Variants in EIF2AK4 observed in about 807,000 individuals in gnomAD.
EIF2AK4 encodes the protein eIF-2-alpha kinase GCN2.
In EIF2AK4, 139 loss-of-function variants were observed where a neutral mutation model predicts 211.1. That is an observed-to-expected ratio of 0.66 (90% CI 0.57 to 0.76). EIF2AK4 has a LOEUF of 0.76. Ranked by LOEUF, EIF2AK4 falls within the 30% of genes least tolerant of loss-of-function variation. The pLI is 0.00. For missense variants in EIF2AK4, 1,664 were observed against 2,043.8 expected, an observed-to-expected ratio of 0.81 and a Z score of 3.58; for synonymous variants, 710 against 751.3, an observed-to-expected ratio of 0.94 and a Z score of 0.90.
intron 33 of EIF2AK4, 193 bp from the exon 34 acceptor site, chr15:40,029,213 A>G: frequency 1.5e-6 from 1 of 666,960 alleles, no homozygotes; most frequent in Non-Finnish European, 1.9e-6. Flanking sequence ...GACATCCTTT[A>G]TAATTTTTAC....
chr15:39,941,167 A>G (rs2034139505), intron 2 of EIF2AK4, among the ~76,000 whole-genome samples: 2 of 152,090 alleles, frequency 1.3e-5, no homozygotes, highest in African/African-American at 4.8e-5. Flanking sequence ...TGGAGGTTTC[A>G]TTATGTAGAG....
chr15:40,009,750 T>G lies in EIF2AK4; in HGVS notation c.3693+20T>G. 1.4e-6 allele frequency: 2 copies of G among 1,445,978 alleles called. No homozygotes were observed. The highest frequency in any genetic ancestry group is 1.9e-6 in the Non-Finnish European group (2 of 1,040,976). 89.6% of individuals were successfully genotyped at this position (1,445,978 alleles called of 1,614,324 possible). A position where few individuals can be genotyped will look rare whatever the true frequency, so the allele number is the denominator to read the frequency against. ...GCTGTGGTAAGCATTTAATTACTTA[T>G]GATGTTGAAAGATAATACCTTGATG... On this transcript the variant is annotated intron_variant, in intron 26 of 38. Transcript: ENST00000263791.
intron 37 of EIF2AK4, among the ~76,000 whole-genome samples, chr15:40,033,581 G>C (rs923848518): frequency 1.3e-5 from 2 of 152,132 alleles, no homozygotes; most frequent in Non-Finnish European, 2.9e-5. Flanking sequence ...AATTAAATTA[G>C]ATTAATAGTG....
At chr15:40,002,855 G>A (rs2035111519) in intron 22 of EIF2AK4, 67 bp downstream of exon 22, 1 of 1,534,126 alleles carries the variant, frequency 6.5e-7, no homozygotes. Context: ...AGAAAGTACT[G>A]TTAGTGTTCG....
chr15:39,978,394 G>A, intron 13 of EIF2AK4: 1 of 236,182 alleles, frequency 4.2e-6, no homozygotes, highest in East Asian at 8.1e-5. Context: ...CTGCATTTTT[G>A]TATGTGATGA....
Position 39,942,047 on chromosome 15 carries a change from T to C in EIF2AK4, c.258-1336T>C, listed in dbSNP as rs117095499. The stretch of plus-strand genomic sequence containing the variant: ...AATAAAGAGAACATTAGAATTTTTT[T>C]TGAAGTTTAATTAGCATCATTGATG... On this transcript the variant is annotated intron_variant, in intron 2 of 38. Transcript: ENST00000263791. Among the ~76,000 whole-genome samples, 488 of 152,380 alleles carry C rather than the reference T, an allele frequency of 3.2e-3. 4 individuals carry two copies. The East Asian group carries it at 0.04, about 12-fold the overall frequency.
In EIF2AK4 at chr15:39,990,386, T is replaced by A. The variant is rs761661874; in HGVS notation, c.2631+9T>A. 6.2e-6 allele frequency: 10 copies of A among 1,610,594 alleles called. No individual in the cohort carries two copies. The highest frequency in any genetic ancestry group is 8.5e-6 in the Non-Finnish European group (10 of 1,177,026). ...ACCATCTAGCCTTTTCTGTAAGTAT[T>A]TTAAAAATTAGACTGTACCTAAAAA... On this transcript the variant is annotated intron_variant, in intron 16 of 38. Transcript: ENST00000263791.
intron 9 of EIF2AK4, among the ~76,000 whole-genome samples, chr15:39,972,300 A>G (rs2034635712): frequency 6.6e-6 from 1 of 151,630 alleles, no homozygotes; most frequent in African/African-American, 2.4e-5. Context: ...GAATGAGCTG[A>G]GATCACACCA....
intron 18 of EIF2AK4, among the ~76,000 whole-genome samples, chr15:39,994,388 G>T (rs539071376): frequency 8.1e-4 from 124 of 152,254 alleles, no homozygotes; most frequent in Non-Finnish European, 1.3e-3. Context: ...CAGGAGGATT[G>T]CCTGAGCTCA....
chr15:40,027,662 G>A (rs1334318740), intron 33 of EIF2AK4, among the ~76,000 whole-genome samples: 3 of 152,140 alleles, frequency 2.0e-5, no homozygotes, highest in African/African-American at 7.2e-5. Flanking sequence ...AGGCCGAGAA[G>A]GGGGGATCAT....
Position 40,035,201 on chromosome 15 carries a change from G to T in EIF2AK4, c.*117G>T, listed in dbSNP as rs1213393633. 1.3e-6 allele frequency: 1 copy of T among 770,840 alleles called. No homozygotes were observed. Among genetic ancestry groups the T allele is most frequent in the Non-Finnish European group, 1.9e-6 (1 of 529,416 alleles). The allele number at this position is 770,840 out of a possible 1,614,324, so 47.8% of individuals were successfully genotyped here. A position where few individuals can be genotyped will look rare whatever the true frequency, so the allele number is the denominator to read the frequency against. Reference sequence around the variant, plus strand: ...ATTCTAAGAAGAGGCTGGGTGCAGTGGCTCACACCTTTAATCCCAGCACTT... The same window carrying T: ...ATTCTAAGAAGAGGCTGGGTGCAGTTGCTCACACCTTTAATCCCAGCACTT... On this transcript the variant is annotated 3_prime_UTR_variant, in exon 39 of 39. Transcript: ENST00000263791.
chr15:39,983,339 A>G (rs2034819949), intron 13 of EIF2AK4, among the ~76,000 whole-genome samples: 1 of 152,076 alleles, frequency 6.6e-6, no homozygotes, highest in Non-Finnish European at 1.5e-5. Flanking sequence ...TGGCTGCATA[A>G]ATGTCTTCTT....
chr15:39,980,989 A>G (rs1030577869), intron 13 of EIF2AK4, among the ~76,000 whole-genome samples: 1 of 152,238 alleles, frequency 6.6e-6, no homozygotes, highest in South Asian at 2.1e-4. Context: ...AGTATTAGCC[A>G]GTGTGTTTTT....
At chr15:39,970,353 CAAT>C (rs2034606081) in intron 9 of EIF2AK4, among the ~76,000 whole-genome samples, 1 of 152,054 alleles carries the variant, frequency 6.6e-6, no homozygotes, top group Non-Finnish European at 1.5e-5. Flanking sequence ...ACTTTCAAGT[CAAT>C]AACATTTATG....
rs755836160 is a variant in EIF2AK4 at position 40,034,322 on chromosome 15, C to T, written c.4774-4C>T. The T allele has an allele frequency of 6.2e-7, 1 of 1,609,448 alleles. No homozygotes were observed. Among genetic ancestry groups the T allele is most frequent in the Admixed American group, 1.7e-5 (1 of 58,888 alleles). ...TTGTTAAGTCTTATCTATTTTTTTC[C>T]TAGTGGGATGCTGATGAACAGGCAT... On this transcript the variant is annotated splice_region_variant and splice_polypyrimidine_tract_variant and intron_variant, in intron 37 of 38. Transcript: ENST00000263791.
rs767557391 is a variant in EIF2AK4 at position 39,967,455 on chromosome 15, A to G, written c.1129A>G (p.Ile377Val). 1.2e-5 allele frequency: 20 copies of G among 1,613,942 alleles called. No homozygotes were observed. The East Asian group carries it at 4.2e-4, about 34-fold the overall frequency. ...GCAAGACGACTCCATCGTGGTGGACATTTTAGTGGAGCACATTAGTGGGGT... is the reference window on the plus strand; with the variant it reads ...GCAAGACGACTCCATCGTGGTGGACGTTTTAGTGGAGCACATTAGTGGGGT... ...KEQDDSIVVD[I>V]LVEHISGVSL... Residue 377 changes from isoleucine to valine, a missense_variant, in exon 9 of 39, where the codon ATT becomes GTT. Coordinates refer to ENST00000263791, the MANE Select transcript of EIF2AK4 (RefSeq NM_001013703.4).
intron 24 of EIF2AK4, 85 bp downstream of exon 24, chr15:40,007,150 T>TG: frequency 8.1e-7 from 1 of 1,237,960 alleles, no homozygotes; most frequent in Non-Finnish European, 1.1e-6. Context: ...TTTTATTTCC[T>TG]GTGATCCTTA....
intron 7 of EIF2AK4, 65 bp from the exon 8 acceptor site, chr15:39,965,620 TC>T: frequency 6.3e-7 from 1 of 1,575,546 alleles, no homozygotes; most frequent in Admixed American, 1.8e-5. Context: ...TATTACCCCC[TC>T]CCTTCCTTCC....
chr15:39,996,118 T>C (rs921994672), intron 18 of EIF2AK4, among the ~76,000 whole-genome samples: 20 of 152,172 alleles, frequency 1.3e-4, no homozygotes, highest in African/African-American at 4.8e-4. Flanking sequence ...GTATTTGCCT[T>C]TCTGTGTCTA....
Sources: gnomAD v4.1 joint callset for allele counts (sites outside exome capture counted in the v4.1 genomes callset) on GRCh38, gnomAD v4.1.1 for gene constraint, MANE v1.5 for transcripts, NCBI Gene and HGNC (gene_info 2026-07-23, HGNC 2026-07-21) for gene names.